The following PHC2 variants were observed in gnomAD, a reference collection of about 807,000 sequenced individuals.
PHC2 encodes the protein polyhomeotic-like protein 2.
In PHC2, 29 loss-of-function variants were observed where a neutral mutation model predicts 87.4. The ratio of observed to expected loss-of-function variants is 0.33; its 90% CI spans 0.25 to 0.45. The LOEUF (loss-of-function observed/expected upper bound fraction) is 0.45. Ranked by LOEUF, PHC2 falls within the 20% of genes least tolerant of loss-of-function variation. The pLI is 1.00. For missense variants in PHC2, 857 were observed against 1,136.7 expected (o/e 0.75, Z 3.54); for synonymous variants, 438 against 461.7 (o/e 0.95, Z 0.66).
intron 1 of PHC2, among the ~76,000 whole-genome samples, chr1:33,429,483 G>T (rs1650813288): frequency 6.6e-6 from 1 of 152,128 alleles, no homozygotes; most frequent in Admixed American, 6.5e-5. Context: ...TCTCTGCAAG[G>T]TAAACTCCTA....
intron 7 of PHC2, among the ~76,000 whole-genome samples, chr1:33,361,741 C>T (rs2148304102): frequency 6.6e-6 from 1 of 152,326 alleles, no homozygotes; most frequent in East Asian, 1.9e-4. Context: ...TCAGCCTCAT[C>T]CCGTCAGCAG....
intron 14 of PHC2, among the ~76,000 whole-genome samples, chr1:33,328,631 G>C (rs1431824660): frequency 6.6e-6 from 1 of 152,084 alleles, no homozygotes; most frequent in Non-Finnish European, 1.5e-5. Context: ...ATTTCACACA[G>C]ATCACTTCCC....
At chr1:33,419,800 G>A (rs1416544604) in intron 1 of PHC2, among the ~76,000 whole-genome samples, 3 of 151,932 alleles carry the variant, frequency 2.0e-5, no homozygotes, top group African/African-American at 4.8e-5. Context: ...TAGTAGAGAC[G>A]GGGTTTCACC....
Position 33,370,457 on chromosome 1 carries a change from A to C in PHC2, c.540T>G (p.Thr180=), listed in dbSNP as rs1457196060. 3 of 1,613,988 alleles carry C rather than the reference A, an allele frequency of 1.9e-6. No homozygotes were observed. Among genetic ancestry groups the C allele is most frequent in the Admixed American group, 1.7e-5 (1 of 59,992 alleles). Residue 180 remains threonine, a synonymous_variant, in exon 5 of 15, where the codon ACT becomes ACG. Transcript: ENST00000683057. ...LLGNTSSPAL[T]ASQAQMYLRA... Reference sequence around the variant, plus strand: ...TCAGATACATCTGTGCTTGGCTTGCAGTCAGGGCTGGGGAAGACGTGTTGC... The same window carrying C: ...TCAGATACATCTGTGCTTGGCTTGCCGTCAGGGCTGGGGAAGACGTGTTGC...
chr1:33,426,013 A>G (rs1350299369), intron 1 of PHC2, among the ~76,000 whole-genome samples: 1 of 152,194 alleles, frequency 6.6e-6, no homozygotes, highest in Non-Finnish European at 1.5e-5. Context: ...TCAAGTGGTA[A>G]GTGTCAAGTG....
chr1:33,419,024 G>T (rs1454766605), intron 1 of PHC2, among the ~76,000 whole-genome samples: 1 of 152,126 alleles, frequency 6.6e-6, no homozygotes, highest in Non-Finnish European at 1.5e-5. Context: ...TTTACTAACT[G>T]CATCACTTTG....
rs775469242 is a variant in PHC2, at chr1:33,354,498, C to A, written c.1461G>T (p.Arg487=). 4 of 1,614,136 alleles carry A rather than the reference C, an allele frequency of 2.5e-6. No individual in the cohort carries two copies. The highest frequency in any genetic ancestry group is 3.4e-6 in the Non-Finnish European group (4 of 1,180,008). Residue 487 remains arginine, a synonymous_variant, in exon 9 of 15, where the codon CGG becomes CGT. Transcript: ENST00000683057. ...CCTGCTGATGTGGTGATGGGCCAGA[C>A]CGCGTCTCAGGCACACTTTTCTCCC... is the stretch of plus-strand genomic sequence containing the variant. ...APGEKSVPET[R]SGPSPHQQAI...
chr1:33,345,088 G>C (rs1483956593), intron 9 of PHC2: 1 of 152,110 alleles, frequency 6.6e-6, no homozygotes, highest in African/African-American at 2.4e-5. Flanking sequence ...CATGCAACTA[G>C]AGTTTTAAAA....
At position 33,426,162 on chromosome 1, in the gene PHC2, T is replaced by C. The variant is rs550294610; in HGVS notation, c.-55+4814A>G. ...TTGGTTCTCAGTTCACTAATCACTTTCCTATTTCTTTCCTAAAGCCAAAAA... is the reference window on the plus strand; with the variant it reads ...TTGGTTCTCAGTTCACTAATCACTTCCCTATTTCTTTCCTAAAGCCAAAAA... On this transcript the variant is annotated intron_variant, in intron 1 of 14. Transcript: ENST00000683057. Among the ~76,000 whole-genome samples the C allele has an allele frequency of 3.6e-4, 55 of 152,242 alleles. 1 individual carries two copies. The highest frequency in any genetic ancestry group is 2.1e-4 in the Non-Finnish European group (14 of 68,046).
chr1:33,405,145 G>GT (rs1225484378), intron 1 of PHC2, among the ~76,000 whole-genome samples: 3 of 149,252 alleles, frequency 2.0e-5, no homozygotes, highest in Non-Finnish European at 4.5e-5. Context: ...TCTGTCTTTC[G>GT]TTTTTTCTCC....
At chr1:33,407,923 T>C (rs1649828586) in intron 1 of PHC2, among the ~76,000 whole-genome samples, 1 of 152,198 alleles carries the variant, frequency 6.6e-6, no homozygotes, top group Non-Finnish European at 1.5e-5. Flanking sequence ...TCCTGATACC[T>C]GTGGTCAGGT....
chr1:33,410,160 C>A (rs146515938), intron 1 of PHC2, among the ~76,000 whole-genome samples: 5 of 152,162 alleles, frequency 3.3e-5, no homozygotes, highest in Admixed American at 1.3e-4. Context: ...GAAAAACATA[C>A]CAGTTCAATT....
intron 1 of PHC2, among the ~76,000 whole-genome samples, chr1:33,388,318 ATTTTTT>A (rs751211305): frequency 1.6e-5 from 2 of 126,108 alleles, no homozygotes; most frequent in East Asian, 4.5e-4. Flanking sequence ...AATGACAGCA[ATTTTTT>A]TTTTTTTTTT....
chr1:33,424,499 A>G (rs1650589635), intron 1 of PHC2, among the ~76,000 whole-genome samples: 1 of 152,108 alleles, frequency 6.6e-6, no homozygotes, highest in Admixed American at 6.5e-5. Flanking sequence ...CCTTTGATTC[A>G]CTGGTGGGTA....
At chr1:33,357,668 T>C (rs6678247) in intron 7 of PHC2, among the ~76,000 whole-genome samples, 108,979 of 152,100 alleles carry the variant, frequency 0.72, 39,802 homozygotes, top group African/African-American at 0.86. Flanking sequence ...CAATCTAAGC[T>C]GTGTCTCCTT....
At position 33,334,573 on chromosome 1, in the gene PHC2, G is replaced by A. The variant is rs557056422; in HGVS notation, c.1559-281C>T. 1.4e-4 allele frequency among the ~76,000 whole-genome samples: 22 copies of A among 152,320 alleles called. No homozygotes were observed. The highest frequency in any genetic ancestry group is 2.5e-4 in the Non-Finnish European group (17 of 68,034). The stretch of plus-strand genomic sequence containing the variant: ...CAACCGTGCTATGAACAGTTAACCC[G>A]GATAAACAGACGGGAATTCTATCTT... On this transcript the variant is annotated intron_variant, in intron 9 of 14. Transcript: ENST00000683057. The surrounding 1 kb of genome is among the most constrained non-coding windows in gnomAD (Gnocchi z 5.5).
At chr1:33,396,852 G>T (rs1336894822) in intron 1 of PHC2, among the ~76,000 whole-genome samples, 2 of 152,210 alleles carry the variant, frequency 1.3e-5, no homozygotes, top group African/African-American at 4.8e-5. Context: ...ACTCTGAGCT[G>T]ACGGACAGCA....
At chr1:33,406,607 C>T (rs1418786887) in intron 1 of PHC2, among the ~76,000 whole-genome samples, 2 of 152,136 alleles carry the variant, frequency 1.3e-5, no homozygotes, top group Non-Finnish European at 1.5e-5. Context: ...ATTATTTTAT[C>T]CAGTATGACA....
At chr1:33,391,231 G>C (rs930020761) in intron 1 of PHC2, among the ~76,000 whole-genome samples, 1 of 152,234 alleles carries the variant, frequency 6.6e-6, no homozygotes, top group African/African-American at 2.4e-5. Context: ...GAGAACCACT[G>C]TCTTGGAGAA....
Sources: gnomAD v4.1 joint callset for allele counts (sites outside exome capture counted in the v4.1 genomes callset) on GRCh38, gnomAD v4.1.1 for gene constraint, Gnocchi (gnomAD v3.1) non-coding constraint, MANE v1.5 for transcripts, NCBI Gene and HGNC (gene_info 2026-07-23, HGNC 2026-07-21) for gene names.